Variants in SRCIN1 observed in about 807,000 individuals in gnomAD.
SRCIN1 encodes the protein P130Cas-associated protein.
In SRCIN1, 50 loss-of-function variants were observed where a neutral mutation model predicts 116.2. That is an observed-to-expected ratio of 0.43 (90% CI 0.34 to 0.54). The LOEUF is 0.54. Ranked by LOEUF, SRCIN1 falls within the 20% of genes least tolerant of loss-of-function variation. The probability of loss-of-function intolerance (pLI) is 0.02; values close to 1 mark genes in which losing one functional copy is unlikely to be tolerated. For synonymous variants in SRCIN1, 736 were observed against 750.0 expected, an observed-to-expected ratio of 0.98 and a Z score of 0.30; for missense variants, 1,446 against 1,672.0, an observed-to-expected ratio of 0.86 and a Z score of 2.36.
intron 3 of SRCIN1, among the ~76,000 whole-genome samples, chr17:38,564,577 T>C (rs543331068): frequency 1.3e-5 from 2 of 151,866 alleles, no homozygotes; most frequent in South Asian, 2.1e-4. Context: ...CAAGAGGCCA[T>C]GTGAGTGGGA....
intron 18 of SRCIN1, 72 bp downstream of exon 18, chr17:38,543,751 G>A: frequency 6.4e-7 from 1 of 1,553,090 alleles, no homozygotes; most frequent in South Asian, 1.2e-5. Context: ...AGGGGCAGGA[G>A]ATGCCCAGTG....
chr17:38,594,774 C>T (rs1315878798), intron 1 of SRCIN1, among the ~76,000 whole-genome samples: 1 of 152,114 alleles, frequency 6.6e-6, no homozygotes, highest in African/African-American at 2.4e-5. Flanking sequence ...GGGTTTGAAC[C>T]CAGGGCAGGC....
Position 38,562,408 on chromosome 17 carries a change from C to T in SRCIN1, c.835-80G>A. ...TCCCTTGCTTGAGGAGCCAGCATCTCCTCCCTGACGCTTAGGAAGTCCCTT... is the reference window on the plus strand; with the variant it reads ...TCCCTTGCTTGAGGAGCCAGCATCTTCTCCCTGACGCTTAGGAAGTCCCTT... On this transcript the variant is annotated intron_variant, in intron 6 of 18. Transcript: ENST00000617146. The surrounding 1 kb of genome is among the most constrained non-coding windows in gnomAD (Gnocchi z 4.2). 1 of 1,360,510 alleles carries T rather than the reference C, an allele frequency of 7.4e-7. No individual in the cohort carries two copies. Among genetic ancestry groups the T allele is most frequent in the Non-Finnish European group, 9.5e-7 (1 of 1,054,406 alleles). 84.3% of individuals were successfully genotyped at this position (1,360,510 alleles called of 1,614,324 possible).
intron 11 of SRCIN1, among the ~76,000 whole-genome samples, chr17:38,557,093 C>T (rs1482026413): frequency 6.6e-6 from 1 of 152,186 alleles, no homozygotes; most frequent in African/African-American, 2.4e-5. Context: ...TGGGGTGGCC[C>T]CTTACCCTAT....
At chr17:38,573,144 C>T (rs923921936) in intron 2 of SRCIN1, among the ~76,000 whole-genome samples, 3 of 152,214 alleles carry the variant, frequency 2.0e-5, no homozygotes, top group East Asian at 1.9e-4. Context: ...CTTCACTGCC[C>T]CCATCCCTAA....
chr17:38,570,812 G>T (rs1380768075), intron 2 of SRCIN1, among the ~76,000 whole-genome samples: 2 of 152,232 alleles, frequency 1.3e-5, no homozygotes, highest in Non-Finnish European at 2.9e-5. Context: ...GGACTGGGTG[G>T]CATCAGTGCC....
chr17:38,586,718 G>A lies in SRCIN1; in HGVS notation c.23-7927C>T, dbSNP rs966920626. On this transcript the variant is annotated intron_variant, in intron 1 of 18. Transcript: ENST00000617146. Reference sequence around the variant, plus strand: ...AGCTGGGAGCAGAGGTGATGCAAAGGGCAGCTAGGGAGGGTGCAGGGCACT... The same window carrying A: ...AGCTGGGAGCAGAGGTGATGCAAAGAGCAGCTAGGGAGGGTGCAGGGCACT... Among the ~76,000 whole-genome samples the A allele has an allele frequency of 2.6e-5, 4 of 152,342 alleles. No individual in the cohort carries two copies. In the South Asian group the frequency reaches 8.3e-4, roughly 32 times the overall value.
rs1211019613 is a variant in SRCIN1, at chr17:38,568,936, G to T, written c.325-705C>A. 6.6e-6 allele frequency among the ~76,000 whole-genome samples: 1 copy of T among 151,736 alleles called. No individual in the cohort carries two copies. Among genetic ancestry groups the T allele is most frequent in the Admixed American group, 6.6e-5 (1 of 15,232 alleles). ...GTGGATCAGGATGGATGGGGCAGGGGTCGGAGGAGGGGGGCTGGGGCCCAA... is the reference window on the plus strand; with the variant it reads ...GTGGATCAGGATGGATGGGGCAGGGTTCGGAGGAGGGGGGCTGGGGCCCAA... On this transcript the variant is annotated intron_variant, in intron 2 of 18. Transcript: ENST00000617146. The surrounding 1 kb of genome is among the most constrained non-coding windows in gnomAD (Gnocchi z 4.5).
intron 17 of SRCIN1, among the ~76,000 whole-genome samples, chr17:38,547,082 G>A (rs1597886604): frequency 6.6e-6 from 1 of 152,230 alleles, no homozygotes; most frequent in Non-Finnish European, 1.5e-5. Context: ...CAGCAGCAAG[G>A]ACTGACATTA....
intron 14 of SRCIN1, 123 bp downstream of exon 14, chr17:38,551,763 C>T (rs772756668): frequency 2.0e-5 from 31 of 1,519,184 alleles, no homozygotes; most frequent in Middle Eastern, 1.7e-4. Context: ...TCCATTAGGG[C>T]ACTGGCCCTC....
chr17:38,551,055 C>T lies in SRCIN1; in HGVS notation c.2962+100G>A, dbSNP rs897627698. 10 of 597,466 alleles carry T rather than the reference C, an allele frequency of 1.7e-5. No individual in the cohort carries two copies. In the East Asian group the frequency reaches 2.8e-4, roughly 17 times the overall value. 37.0% of individuals were successfully genotyped at this position (597,466 alleles called of 1,614,324 possible). On this transcript the variant is annotated intron_variant, in intron 15 of 18. Transcript: ENST00000617146. ...CCTCCCTTGTGTGGCAGCCCAACCA[C>T]AATGATCTTGAGATCCCAGTGCCTC...
chr17:38,592,307 T>G (rs1020916319), intron 1 of SRCIN1, among the ~76,000 whole-genome samples: 3 of 152,138 alleles, frequency 2.0e-5, no homozygotes, highest in Admixed American at 2.0e-4. Context: ...AGGAGGGCTG[T>G]GCTGGGGTGA....
chr17:38,576,021 G>A (rs1407576278), intron 2 of SRCIN1, among the ~76,000 whole-genome samples: 1 of 152,098 alleles, frequency 6.6e-6, no homozygotes, highest in Admixed American at 6.5e-5. Flanking sequence ...CAAATTTGTG[G>A]GTGGCTGGGC....
intron 18 of SRCIN1, chr17:38,543,249 C>T (rs1437779848): frequency 1.8e-5 from 8 of 454,846 alleles, no homozygotes; most frequent in Non-Finnish European, 3.5e-5. Context: ...GGTGACCCCA[C>T]TGAAACCCAA....
chr17:38,596,219 G>C (rs564232721), intron 1 of SRCIN1, among the ~76,000 whole-genome samples: 1 of 152,200 alleles, frequency 6.6e-6, no homozygotes, highest in East Asian at 1.9e-4. Context: ...GGGGGCCGGG[G>C]CAGGGGCTCC....
Position 38,605,667 on chromosome 17 carries a change from G to A in SRCIN1, c.22+17C>T, listed in dbSNP as rs1280077266. The stretch of plus-strand genomic sequence containing the variant: ...AAGCATGGAGGCACATTAGGGAGGA[G>A]AGAGACAGGGACATGCCTTGGGACG... On this transcript the variant is annotated intron_variant, in intron 1 of 18. Coordinates refer to ENST00000617146, the MANE Select transcript of SRCIN1 (RefSeq NM_025248.3). 7.3e-7 allele frequency: 1 copy of A among 1,367,448 alleles called. No homozygotes were observed. The highest frequency in any genetic ancestry group is 9.5e-7 in the Non-Finnish European group (1 of 1,052,560). The allele number at this position is 1,367,448 out of a possible 1,614,324, so 84.7% of individuals were successfully genotyped here. A position where few individuals can be genotyped will look rare whatever the true frequency, so the allele number is the denominator to read the frequency against.
intron 17 of SRCIN1, among the ~76,000 whole-genome samples, chr17:38,547,234 G>A (rs898483994): frequency 1.3e-5 from 2 of 152,214 alleles, no homozygotes; most frequent in East Asian, 3.9e-4. Context: ...CCCCTGTGGT[G>A]TCCTGGCCCC....
rs187959764 is a variant in SRCIN1, at chr17:38,598,566, C to T, written c.22+7118G>A. Among the ~76,000 whole-genome samples the T allele has an allele frequency of 2.0e-3, 310 of 152,260 alleles. 1 individual carries two copies. The highest frequency in any genetic ancestry group is 7.4e-3 in the African/African-American group (306 of 41,542). On this transcript the variant is annotated intron_variant, in intron 1 of 18. Coordinates refer to ENST00000617146, the MANE Select transcript of SRCIN1 (RefSeq NM_025248.3). ...TATGGGCCCCTGGGTCTGGGGTCTC[C>T]AGCATGCTTTGCCAGCTGGAATGGA...
intron 1 of SRCIN1, 96 bp from the exon 2 acceptor site, chr17:38,578,887 G>A: frequency 7.3e-7 from 1 of 1,378,772 alleles, no homozygotes; most frequent in African/African-American, 1.5e-5. Flanking sequence ...GGCGGGGCCT[G>A]GGCCTAAGGA....
Sources: allele counts gnomAD v4.1 joint callset (sites outside exome capture counted in the v4.1 genomes callset), GRCh38; gene constraint gnomAD v4.1.1; non-coding constraint Gnocchi (gnomAD v3.1); transcripts MANE v1.5; gene names NCBI Gene and HGNC (gene_info 2026-07-23, HGNC 2026-07-21).